Variants in GABRE observed in about 807,000 individuals in gnomAD.
GABRE encodes gamma-aminobutyric acid receptor subunit epsilon.
Under a neutral mutation model 31.0 loss-of-function variants are expected in GABRE, and 20 were observed. The ratio of observed to expected loss-of-function variants is 0.64; its 90% CI spans 0.45 to 0.94. The LOEUF (loss-of-function observed/expected upper bound fraction) is 0.94, where lower values mean the gene tolerates loss of function less well. GABRE is among the 40% of genes least tolerant of loss of function. The pLI, the probability that GABRE is intolerant of heterozygous loss-of-function variation, is 0.00. For missense variants in GABRE, 420 were observed against 410.7 expected (o/e 1.02, Z -0.20); for synonymous variants, 155 against 150.6 (o/e 1.03, Z -0.21).
intron 6 of GABRE, chrX:151,958,942 A>C (rs1352653189): frequency 2.8e-5 from 9 of 316,313 alleles, no homozygotes; most frequent in Non-Finnish European, 5.0e-5. Context: ...ATGAAACAAA[A>C]GCAGATTTTC....
rs55666211 is a variant in GABRE, at chrX:151,955,770, G to A, written c.875C>T (p.Thr292Met). ...CCAAAAGGAAACCCAGGAGAGCATC[G>A]TGGTCACGGAAGAAGGGACATAGTT... ...FQNYVPSSVT[T>M]MLSWVSFWIK... Residue 292 changes from threonine to methionine, a missense_variant, in exon 7 of 9, where the codon ACG (threonine) becomes ATG (methionine). Thr to Met is a moderately conservative substitution (Grantham distance 81). Coordinates refer to ENST00000370328, the MANE Select transcript of GABRE (RefSeq NM_004961.4). 1.1e-5 allele frequency: 13 copies of A among 1,211,820 alleles called. No individual in the cohort carries two copies. In the East Asian group the frequency reaches 1.8e-4, roughly 17 times the overall value.
chrX:151,972,391 A>G, intron 1 of GABRE: 1 of 753,941 alleles, frequency 1.3e-6, no homozygotes, highest in Non-Finnish European at 1.6e-6. Flanking sequence ...TGACTATGGG[A>G]AGAGAGGAGG....
intron 3 of GABRE, among the ~76,000 whole-genome samples, chrX:151,965,162 G>A (rs963371177): frequency 2.7e-5 from 3 of 111,671 alleles, no homozygotes; most frequent in African/African-American, 3.3e-5. Flanking sequence ...GGGGAGCTGG[G>A]GGGGAAAGGA....
At chrX:151,955,261 T>G (rs1934117933) in intron 8 of GABRE, 107 bp downstream of exon 8, 1 of 1,196,851 alleles carries the variant, frequency 8.4e-7, no homozygotes, top group Non-Finnish European at 1.1e-6. Context: ...CTGGGTAACA[T>G]TCCATCACTC....
At chrX:151,957,418 G>C (rs752048238) in intron 6 of GABRE, 2 of 329,243 alleles carry the variant, frequency 6.1e-6, no homozygotes, top group Non-Finnish European at 1.2e-5. Context: ...GCTGCTGCAC[G>C]GACCACCCTC....
At chrX:151,966,868 G>A (rs1934541004) in intron 3 of GABRE, among the ~76,000 whole-genome samples, 1 of 112,001 alleles carries the variant, frequency 8.9e-6, no homozygotes, top group African/African-American at 3.3e-5. Flanking sequence ...TCCATGCTAG[G>A]TTTGGTGACT....
chrX:151,974,545 C>G (rs1934840382), intron 1 of GABRE, 25 bp downstream of exon 1: 1 of 1,116,571 alleles, frequency 9.0e-7, no homozygotes, highest in Non-Finnish European at 1.2e-6. Flanking sequence ...GCGAAGGGCT[C>G]CCGGGTCCCG....
At chrX:151,961,121 T>C (rs1934355292) in intron 5 of GABRE, 162 bp downstream of exon 5, 1 of 456,698 alleles carries the variant, frequency 2.2e-6, no homozygotes, top group Non-Finnish European at 3.9e-6. Flanking sequence ...CAACACAGTA[T>C]TGTTGGCAGG....
intron 1 of GABRE, chrX:151,971,632 TA>T: frequency 8.0e-6 from 1 of 125,356 alleles, no homozygotes; most frequent in Non-Finnish European, 1.6e-5. Flanking sequence ...GTGGGTGGTG[TA>T]AAAGAAAATA....
intron 6 of GABRE, chrX:151,959,417 C>T: frequency 3.8e-6 from 1 of 263,073 alleles, no homozygotes; most frequent in Non-Finnish European, 7.2e-6. Context: ...GAACTCTAGC[C>T]TCCACCTCCC....
Position 151,955,412 on chromosome X carries a change from T to A in GABRE, c.1093A>T (p.Ile365Phe). The change falls in exon 8 of 9, where the codon ATC becomes TTC. Residue 365 changes from isoleucine to phenylalanine, a missense_variant. Transcript: ENST00000370328. Reference protein sequence around the residue: ...LLEFAVLNFLIYNQTKAHASP... With the variant: ...LLEFAVLNFLFYNQTKAHASP... ...GCATGGGCTTTTGTCTGGTTGTAGA[T>A]CAGGAAGTTGAGCACAGCAAACTCC... 6 of 1,211,813 alleles carry A rather than the reference T, an allele frequency of 5.0e-6. No individual in the cohort carries two copies. In the South Asian group the frequency reaches 7.0e-5, roughly 14 times the overall value.
At chrX:151,957,911 T>G (rs1934227685) in intron 6 of GABRE, 1 of 129,804 alleles carries the variant, frequency 7.7e-6, no homozygotes. Flanking sequence ...GACCCAAAGC[T>G]TTGAAGAATA....
chrX:151,958,778 G>C, intron 6 of GABRE: 1 of 279,046 alleles, frequency 3.6e-6, no homozygotes, highest in East Asian at 1.0e-4. Context: ...AGGCTCCCAA[G>C]TCAAAGGTAG....
intron 6 of GABRE, 47 bp downstream of exon 6, chrX:151,959,792 C>T: frequency 8.5e-7 from 1 of 1,183,175 alleles, no homozygotes; most frequent in Non-Finnish European, 1.1e-6. Flanking sequence ...CATCTCCAAT[C>T]ATCCCTACCA....
rs1490153728 is a variant in GABRE, at chrX:151,954,009, G to A, written c.*692C>T. On this transcript the variant is annotated 3_prime_UTR_variant, in exon 9 of 9. Transcript: ENST00000370328. ...TGAATTGGTAGTGCAGACGAAAGAT[G>A]GAGCCAGCAAGGAGAGGGAGATGTC... 1 of 111,951 alleles carries A rather than the reference G, an allele frequency of 8.9e-6. No individual in the cohort carries two copies. Among genetic ancestry groups the A allele is most frequent in the Non-Finnish European group, 1.9e-5 (1 of 53,183 alleles). The allele number at this position is 111,951 out of a possible 1,213,427, so 9.2% of individuals were successfully genotyped here.
At position 151,953,736 on chromosome X, in the gene GABRE, T is replaced by A. The variant is rs1410058619; in HGVS notation, c.*965A>T. On this transcript the variant is annotated 3_prime_UTR_variant, in exon 9 of 9. Coordinates refer to ENST00000370328, the MANE Select transcript of GABRE (RefSeq NM_004961.4). Reference sequence around the variant, plus strand: ...CCAGGGGTCAAGCAAGTGATAGAACTCCGACAGTGTGCCCTGGGTGGGCAC... The same window carrying A: ...CCAGGGGTCAAGCAAGTGATAGAACACCGACAGTGTGCCCTGGGTGGGCAC... 8.9e-6 allele frequency: 1 copy of A among 111,801 alleles called. No individual in the cohort carries two copies. The highest frequency in any genetic ancestry group is 1.9e-5 in the Non-Finnish European group (1 of 53,204). 9.2% of individuals were successfully genotyped at this position (111,801 alleles called of 1,213,427 possible).
Position 151,955,439 on chromosome X carries a change from A to G in GABRE, c.1066T>C (p.Leu356=). The G allele has an allele frequency of 8.3e-7, 1 of 1,212,088 alleles. No homozygotes were observed. The highest frequency in any genetic ancestry group is 1.1e-6 in the Non-Finnish European group (1 of 895,527). Residue 356 remains leucine (L), a synonymous_variant, in exon 8 of 9, where the codon TTG becomes CTG. Coordinates refer to ENST00000370328, the MANE Select transcript of GABRE (RefSeq NM_004961.4). ...ICFVFCFCAL[L]EFAVLNFLIY... ...AGGAAGTTGAGCACAGCAAACTCCA[A>G]CAGAGCGCAGAAGCAGAAGACGAAG...
chrX:151,973,052 ATCTTT>A (rs577496044), intron 1 of GABRE, among the ~76,000 whole-genome samples: 1 of 16,640 alleles, frequency 6.0e-5, no homozygotes, highest in East Asian at 0.12. Flanking sequence ...TCTAAATCAG[ATCTTT>A]TTTTTCATTC....
chrX:151,963,660 G>A (rs1934448198), intron 3 of GABRE, among the ~76,000 whole-genome samples: 1 of 112,261 alleles, frequency 8.9e-6, no homozygotes, highest in Admixed American at 9.4e-5. Flanking sequence ...CAAGACTACT[G>A]GATTAATGCA....
Sources: gnomAD v4.1 joint callset for allele counts (sites outside exome capture counted in the v4.1 genomes callset) on GRCh38, gnomAD v4.1.1 for gene constraint, MANE v1.5 for transcripts, NCBI Gene and HGNC (gene_info 2026-07-23, HGNC 2026-07-21) for gene names.